PPP2R5C: variants seen among roughly 807,000 people sequenced by gnomAD.
PPP2R5C encodes the protein protein phosphatase 2 regulatory subunit B'gamma, also known as serine/threonine-protein phosphatase 2A 56 kDa regulatory subunit gamma isoform.
A neutral mutation model predicts 68.9 loss-of-function variants in PPP2R5C; 7 were observed. The observed-to-expected ratio is 0.10, with a 90% confidence interval of 0.06 to 0.19. PPP2R5C has a LOEUF of 0.19. PPP2R5C is among the 10% of genes least tolerant of loss of function. PPP2R5C has a pLI of 1.00. For missense variants in PPP2R5C, 348 were observed against 641.3 expected (o/e 0.54, Z 4.94); for synonymous variants, 210 against 222.2 (o/e 0.95, Z 0.49).
rs544671924 is a variant in PPP2R5C, at chr14:101,824,414, GAAAA to G, written c.94+14384_94+14387del. 1.2e-3 allele frequency: 231 copies of G among 194,826 alleles called. 1 individual carries two copies. Among genetic ancestry groups the G allele is most frequent in the African/African-American group, 5.2e-3 (223 of 42,560 alleles). The allele number at this position is 194,826 out of a possible 1,614,324, so 12.1% of individuals were successfully genotyped here. ...ATTGAAGTGATGTTTACAATGTAGTGAAAAAAAAACCTATGCACGCATGTTCCTG... is the reference window on the plus strand; with the variant it reads ...ATTGAAGTGATGTTTACAATGTAGTGAAAAACCTATGCACGCATGTTCCTG... On this transcript the variant is annotated intron_variant, in intron 1 of 13. Coordinates refer to ENST00000334743, the Ensembl canonical transcript of PPP2R5C.
chr14:101,763,747 C>T (rs1026223378), intron 2 of PPP2R5C, among the ~76,000 whole-genome samples: 1 of 152,158 alleles, frequency 6.6e-6, no homozygotes, highest in Non-Finnish European at 1.5e-5. Context: ...ATAGATTGGT[C>T]TTATGCAGTC....
exon 14 of PPP2R5C, chr14:101,927,500 C>T (rs1251889988): frequency 2.0e-5 from 3 of 152,550 alleles, no homozygotes; most frequent in East Asian, 3.8e-4. Context: ...GAAAATAAAC[C>T]GGTGACTGTT....
chr14:101,868,800 A>T (rs1464753779), intron 2 of PPP2R5C, among the ~76,000 whole-genome samples: 2 of 152,238 alleles, frequency 1.3e-5, no homozygotes, highest in East Asian at 3.8e-4. Context: ...TTTTATTTAC[A>T]TATAGTGAAA....
At chr14:101,787,955 C>T (rs370261994) in intron 3 of PPP2R5C, among the ~76,000 whole-genome samples, 15 of 152,058 alleles carry the variant, frequency 9.9e-5, no homozygotes, top group African/African-American at 2.9e-4. Flanking sequence ...ATGTGTTGAG[C>T]GCCTGTGAAA....
chr14:101,902,453 C>G (rs1363813632), intron 9 of PPP2R5C, among the ~76,000 whole-genome samples: 1 of 152,208 alleles, frequency 6.6e-6, no homozygotes, highest in Admixed American at 6.5e-5. Flanking sequence ...GAAGGCCACC[C>G]CCACACACCT....
At chr14:101,766,573 ACTC>A (rs1221696122) in intron 2 of PPP2R5C, 3 of 152,156 alleles carry the variant, frequency 2.0e-5, no homozygotes, top group African/African-American at 4.8e-5. Flanking sequence ...AGAAACTTCT[ACTC>A]CTTGAATGAC....
In PPP2R5C at chr14:101,906,610, T is replaced by C. The variant is rs2046038380; in HGVS notation, c.1151+81T>C. 10 of 1,456,642 alleles carry C rather than the reference T, an allele frequency of 6.9e-6. No individual in the cohort carries two copies. The highest frequency in any genetic ancestry group is 8.3e-6 in the Non-Finnish European group (9 of 1,080,986). The allele number at this position is 1,456,642 out of a possible 1,614,324, so 90.2% of individuals were successfully genotyped here. On this transcript the variant is annotated intron_variant, in intron 10 of 13. Coordinates refer to ENST00000334743, the Ensembl canonical transcript of PPP2R5C. The surrounding 1 kb of genome is among the most constrained non-coding windows in gnomAD (Gnocchi z 4.0). ...ACTGCTACTTCAGTAAGAATAAATA[T>C]CAGAATTTTAAATATCAATTAAAAA...
Position 101,877,489 on chromosome 14 carries a change from C to T in PPP2R5C, c.295-4672C>T, listed in dbSNP as rs1231982176. On this transcript the variant is annotated intron_variant, in intron 2 of 13. Transcript: ENST00000334743. This position sits in a 1 kb window ranked among gnomAD's most constrained non-coding sequence, Gnocchi z 4.2. ...ACCCGGGACTCCTTAGACCTCAGAG[C>T]TTCTTTGGTGTTCACTGCATAACGT... Among the ~76,000 whole-genome samples the T allele has an allele frequency of 6.6e-6, 1 of 152,142 alleles. No individual in the cohort carries two copies. The highest frequency in any genetic ancestry group is 1.5e-5 in the Non-Finnish European group (1 of 68,022).
chr14:101,856,443 A>G (rs2042429360), intron 1 of PPP2R5C, among the ~76,000 whole-genome samples: 1 of 152,236 alleles, frequency 6.6e-6, no homozygotes, highest in Admixed American at 6.5e-5. Context: ...CAGTGCTCTC[A>G]ACATGGTTTG....
At chr14:101,810,194 T>C in intron 1 of PPP2R5C, 1 of 668,156 alleles carries the variant, frequency 1.5e-6, no homozygotes, top group African/African-American at 1.8e-5. Flanking sequence ...TCACTGCAGT[T>C]TGGCATTTTA....
At chr14:101,878,981 A>G (rs939921203) in intron 2 of PPP2R5C, among the ~76,000 whole-genome samples, 33 of 152,168 alleles carry the variant, frequency 2.2e-4, no homozygotes, top group Non-Finnish European at 8.8e-5. Context: ...CCTGTGCCTA[A>G]ATAACATCTT....
At chr14:101,824,265 G>A in intron 1 of PPP2R5C, 14 of 1,071,132 alleles carry the variant, frequency 1.3e-5, no homozygotes, top group Non-Finnish European at 1.7e-5. Flanking sequence ...TAATGATATA[G>A]CATGAAGTTC....
intron 13 of PPP2R5C, among the ~76,000 whole-genome samples, chr14:101,920,636 C>T (rs1017741821): frequency 2.0e-5 from 3 of 152,270 alleles, no homozygotes; most frequent in Non-Finnish European, 4.4e-5. Context: ...GGCTTTTTAT[C>T]CTCAAGAAGT....
chr14:101,832,581 G>A (rs998032506), intron 1 of PPP2R5C, among the ~76,000 whole-genome samples: 10 of 152,152 alleles, frequency 6.6e-5, no homozygotes, highest in African/African-American at 1.7e-4. Context: ...AATCTGTTCC[G>A]AAGACACCTT....
intron 6 of PPP2R5C, among the ~76,000 whole-genome samples, chr14:101,890,780 T>C (rs1367727809): frequency 2.1e-5 from 3 of 142,894 alleles, no homozygotes; most frequent in Admixed American, 7.0e-5. Context: ...TTTTTTTTTT[T>C]TTTTTTTTCT....
chr14:101,840,953 G>A (rs2041434397), intron 1 of PPP2R5C, among the ~76,000 whole-genome samples: 1 of 152,178 alleles, frequency 6.6e-6, no homozygotes, highest in Admixed American at 6.5e-5. Flanking sequence ...TTACCATCAG[G>A]AGAGTAACAA....
rs1034333662 is a variant in PPP2R5C at position 101,835,682 on chromosome 14, C to T, written c.95-21004C>T. Reference sequence around the variant, plus strand: ...GGACAGACACAGTCTTCATCTTGAGCAGGAACGGTGAGACCACTCTTCTCC... The same window carrying T: ...GGACAGACACAGTCTTCATCTTGAGTAGGAACGGTGAGACCACTCTTCTCC... On this transcript the variant is annotated intron_variant, in intron 1 of 13. Transcript: ENST00000334743. The surrounding 1 kb of genome is among the most constrained non-coding windows in gnomAD (Gnocchi z 5.0). Among the ~76,000 whole-genome samples the T allele has an allele frequency of 6.6e-6, 1 of 152,218 alleles. No homozygotes were observed. The highest frequency in any genetic ancestry group is 2.4e-5 in the African/African-American group (1 of 41,464).
intron 2 of PPP2R5C, among the ~76,000 whole-genome samples, chr14:101,784,338 T>C (rs2037983595): frequency 6.6e-6 from 1 of 152,184 alleles, no homozygotes; most frequent in African/African-American, 2.4e-5. Context: ...TATTAGTTCA[T>C]TTTCACACAG....
chr14:101,881,730 C>T (rs1007002717), intron 2 of PPP2R5C, among the ~76,000 whole-genome samples: 10 of 152,360 alleles, frequency 6.6e-5, no homozygotes, highest in South Asian at 2.1e-4. Context: ...CCCTGCGTGA[C>T]GCAGCCCTTG....
Sources: allele counts gnomAD v4.1 joint callset (sites outside exome capture counted in the v4.1 genomes callset), GRCh38; gene constraint gnomAD v4.1.1; non-coding constraint Gnocchi (gnomAD v3.1); transcripts MANE v1.5; gene names NCBI Gene and HGNC (gene_info 2026-07-23, HGNC 2026-07-21).